Variants in PPCDC observed in about 807,000 individuals in gnomAD.
The protein encoded by PPCDC is phosphopantothenoylcysteine decarboxylase.
A neutral mutation model predicts 20.7 loss-of-function variants in PPCDC; 20 were observed. The observed-to-expected ratio is 0.97, with a 90% confidence interval of 0.68 to 1.41. The LOEUF is 1.41. Ranked by LOEUF, PPCDC falls within the 40% of genes most tolerant of loss-of-function variation. The pLI, the probability that PPCDC is intolerant of heterozygous loss-of-function variation, is 0.00. For synonymous variants in PPCDC, 88 were observed against 100.3 expected, an observed-to-expected ratio of 0.88 and a Z score of 0.73; for missense variants, 246 against 263.8, an observed-to-expected ratio of 0.93 and a Z score of 0.47.
At position 75,028,381 on chromosome 15, in the gene PPCDC, TGTG is replaced by T; in HGVS notation, c.65_67del (p.Val22del). The T allele has an allele frequency of 6.2e-7, 1 of 1,614,230 alleles. No individual in the cohort carries two copies. The highest frequency in any genetic ancestry group is 8.5e-7 in the Non-Finnish European group (1 of 1,180,028). On this transcript the variant is annotated inframe_deletion, in exon 2 of 6. Transcript: ENST00000342932. ...TGATGGAGAGAAAATTCCATGTTCT[TGTG>T]GGTGTCACGGGGAGTGTCGCAGCCC...
intron 2 of PPCDC, among the ~76,000 whole-genome samples, chr15:75,043,059 G>A (rs1057220579): frequency 1.3e-5 from 2 of 152,376 alleles, no homozygotes; most frequent in African/African-American, 4.8e-5. Flanking sequence ...GCCTCCTTGG[G>A]TGGCCCCTCC....
intron 4 of PPCDC, 97 bp downstream of exon 4, chr15:75,044,611 G>A (rs1348243128): frequency 1.4e-6 from 2 of 1,466,808 alleles, no homozygotes; most frequent in East Asian, 2.4e-5. Flanking sequence ...CTGCTGTGGG[G>A]CCCCGGTCTG....
At chr15:75,033,082 C>T (rs1353579916) in intron 2 of PPCDC, among the ~76,000 whole-genome samples, 1 of 152,182 alleles carries the variant, frequency 6.6e-6, no homozygotes, top group East Asian at 1.9e-4. Flanking sequence ...GGATTACAAG[C>T]ATGTGCCACT....
At chr15:75,027,267 G>T (rs1444757416) in intron 1 of PPCDC, among the ~76,000 whole-genome samples, 2 of 152,202 alleles carry the variant, frequency 1.3e-5, no homozygotes, top group Admixed American at 6.5e-5. Context: ...TTTGCATGGT[G>T]TTCTTTGTAA....
intron 2 of PPCDC, among the ~76,000 whole-genome samples, chr15:75,042,652 CAAA>C (rs768744006): frequency 2.8e-4 from 25 of 89,778 alleles, no homozygotes; most frequent in Admixed American, 5.0e-4. Flanking sequence ...GACTCCATCT[CAAA>C]AAAAAAAAAA....
intron 4 of PPCDC, among the ~76,000 whole-genome samples, chr15:75,046,836 C>T (rs1244931811): frequency 1.3e-5 from 2 of 152,264 alleles, no homozygotes; most frequent in Non-Finnish European, 2.9e-5. Context: ...GTCCCTCTGT[C>T]CTCTAGCCCA....
Position 75,048,686 on chromosome 15 carries a change from CCT to C in PPCDC, c.495_496del (p.Val167GlyfsTer9). The C allele has an allele frequency of 6.2e-7, 1 of 1,614,192 alleles. No homozygotes were observed. Among genetic ancestry groups the C allele is most frequent in the Non-Finnish European group, 8.5e-7 (1 of 1,180,014 alleles). ...AAGGCCTTTGGCTATGTCGAGATCC[CCT>C]GTGTGGCCAAGAAGCTGGTGTGCGG... On this transcript the variant is annotated frameshift_variant, in exon 5 of 6. Transcript: ENST00000342932. LOFTEE classifies it high-confidence loss of function.
At chr15:75,047,456 G>A (rs747874724) in intron 4 of PPCDC, among the ~76,000 whole-genome samples, 8 of 152,194 alleles carry the variant, frequency 5.3e-5, no homozygotes, top group African/African-American at 1.4e-4. Context: ...GGACTCCTTC[G>A]CTCTTTTCCC....
At position 75,028,406 on chromosome 15, in the gene PPCDC, G is replaced by C. The variant is rs373109290; in HGVS notation, c.88G>C (p.Ala30Pro). ...TGTGGGTGTCACGGGGAGTGTCGCA[G>C]CCCTGAAGTTGCCTCTTCTGGTGTC... ...VLVGVTGSVA[A>P]LKLPLLVSKL... Residue 30 changes from alanine (A) to proline (P), a missense_variant, in exon 2 of 6, where the codon GCC (alanine) becomes CCC (proline). By Grantham distance (27) the Ala-to-Pro change is conservative. Around this residue, in one of 2 missense-constraint regions of PPCDC, gnomAD observed 225 missense variants for 222.6 expected, o/e 1.01. Coordinates refer to ENST00000342932, the MANE Select transcript of PPCDC (RefSeq NM_021823.5). 4.3e-6 allele frequency: 7 copies of C among 1,614,102 alleles called. No homozygotes were observed. The highest frequency in any genetic ancestry group is 5.9e-6 in the Non-Finnish European group (7 of 1,180,050).
chr15:75,030,240 C>T (rs1252772170), intron 2 of PPCDC, among the ~76,000 whole-genome samples: 2 of 152,166 alleles, frequency 1.3e-5, no homozygotes, highest in Non-Finnish European at 2.9e-5. Context: ...TCTTGTCAGG[C>T]TCCCTGAGAT....
chr15:75,035,225 GA>G (rs2066071059), intron 2 of PPCDC, among the ~76,000 whole-genome samples: 3 of 152,126 alleles, frequency 2.0e-5, no homozygotes, highest in African/African-American at 4.8e-5. Flanking sequence ...CCTCCCAGGG[GA>G]CATTGGATAA....
chr15:75,027,252 A>G (rs1378133303), intron 1 of PPCDC, among the ~76,000 whole-genome samples: 1 of 152,178 alleles, frequency 6.6e-6, no homozygotes, highest in African/African-American at 2.4e-5. Context: ...GTTTTCCACA[A>G]TTCCTTTGCA....
intron 2 of PPCDC, among the ~76,000 whole-genome samples, chr15:75,029,166 T>C (rs1299620681): frequency 6.6e-6 from 1 of 152,124 alleles, no homozygotes; most frequent in Non-Finnish European, 1.5e-5. Context: ...CTTATCCCCC[T>C]TGGTCTTTGC....
chr15:75,043,599 T>G, intron 3 of PPCDC, 63 bp downstream of exon 3: 1 of 1,389,760 alleles, frequency 7.2e-7, no homozygotes. Context: ...AGAACAGTCC[T>G]CCCTACGGCC....
chr15:75,025,504 T>TA (rs1333867605), intron 1 of PPCDC, among the ~76,000 whole-genome samples: 1 of 152,194 alleles, frequency 6.6e-6, no homozygotes, highest in Admixed American at 6.5e-5. Context: ...AGAGGAGACT[T>TA]AAACATCACA....
intron 2 of PPCDC, among the ~76,000 whole-genome samples, chr15:75,038,260 G>A (rs1237142499): frequency 1.3e-5 from 2 of 152,116 alleles, no homozygotes; most frequent in African/African-American, 2.4e-5. Context: ...CCACACCCAC[G>A]CCCGTGGACA....
chr15:75,028,311 G>A lies in PPCDC; in HGVS notation c.-8G>A. 1.2e-6 allele frequency: 2 copies of A among 1,613,660 alleles called. No individual in the cohort carries two copies. The highest frequency in any genetic ancestry group is 1.7e-6 in the Non-Finnish European group (2 of 1,179,862). ...AGGCTCCCAGAACTTGAAGCCACCA[G>A]ACCCCACATGGAACCAAAGGCCTCC... On this transcript the variant is annotated 5_prime_UTR_variant, in exon 2 of 6. Coordinates refer to ENST00000342932, the MANE Select transcript of PPCDC (RefSeq NM_021823.5).
chr15:75,029,914 C>T (rs542273129), intron 2 of PPCDC, among the ~76,000 whole-genome samples: 5 of 152,124 alleles, frequency 3.3e-5, no homozygotes, highest in South Asian at 2.1e-4. Flanking sequence ...AGCCTCAGAG[C>T]GGAGGGAAAT....
chr15:75,023,999 C>T (rs1039144427), intron 1 of PPCDC, among the ~76,000 whole-genome samples: 2 of 152,126 alleles, frequency 1.3e-5, no homozygotes, highest in Non-Finnish European at 2.9e-5. Flanking sequence ...CCGGGCTGCC[C>T]AAAGTACAAA....
Sources: allele counts gnomAD v4.1 joint callset (sites outside exome capture counted in the v4.1 genomes callset), GRCh38; gene constraint gnomAD v4.1.1; regional missense constraint gnomAD v4.1.1; transcripts MANE v1.5; gene names NCBI Gene and HGNC (gene_info 2026-07-23, HGNC 2026-07-21).